Variants in LINGO1 observed in about 807,000 individuals in gnomAD.
LINGO1 encodes the protein leucine-rich repeat and immunoglobulin-like domain-containing nogo receptor-interacting protein 1.
Under a neutral mutation model 37.3 loss-of-function variants are expected in LINGO1, and 11 were observed. That is an observed-to-expected ratio of 0.29 (90% CI 0.19 to 0.49). LINGO1 has a LOEUF of 0.49. Ranked by LOEUF, LINGO1 falls within the 20% of genes least tolerant of loss-of-function variation. The pLI is 0.99. For synonymous variants in LINGO1, 387 were observed against 403.0 expected, an observed-to-expected ratio of 0.96 and a Z score of 0.48; for missense variants, 585 against 878.2, an observed-to-expected ratio of 0.67 and a Z score of 4.22.
chr15:77,746,653 C>G (rs148755076), intron 1 of LINGO1, among the ~76,000 whole-genome samples: 1 of 152,120 alleles, frequency 6.6e-6, no homozygotes, highest in Non-Finnish European at 1.5e-5. Flanking sequence ...AACAAGGCAC[C>G]CTATCCTACA....
intron 2 of LINGO1, among the ~76,000 whole-genome samples, chr15:77,716,551 GCA>G (rs1567543627): frequency 6.7e-6 from 1 of 149,468 alleles, no homozygotes; most frequent in Admixed American, 6.7e-5. Context: ...ACACACACAC[GCA>G]CTCATACACA....
intron 1 of LINGO1, among the ~76,000 whole-genome samples, chr15:77,774,729 C>T (rs574702276): frequency 1.2e-4 from 19 of 152,300 alleles, no homozygotes; most frequent in African/African-American, 4.3e-4. Flanking sequence ...GATGGCCATG[C>T]AGCAGAAGGA....
At chr15:77,619,645 C>T (rs1327060854) in intron 1 of LINGO1, among the ~76,000 whole-genome samples, 1 of 151,802 alleles carries the variant, frequency 6.6e-6, no homozygotes, top group Non-Finnish European at 1.5e-5. Flanking sequence ...TGTGATTGTG[C>T]CACTGCATTC....
intron 1 of LINGO1, among the ~76,000 whole-genome samples, chr15:77,816,548 G>T (rs1782831572): frequency 1.3e-5 from 2 of 152,156 alleles, no homozygotes; most frequent in Admixed American, 1.3e-4. Context: ...ATATAGCAGG[G>T]TCAGGTCTTG....
chr15:77,689,937 A>G (rs577497593), intron 2 of LINGO1, among the ~76,000 whole-genome samples: 4 of 152,364 alleles, frequency 2.6e-5, no homozygotes, highest in African/African-American at 9.6e-5. Flanking sequence ...ACCTTTCTGT[A>G]CATCATCTCA....
chr15:77,785,500 G>A (rs962425116), intron 1 of LINGO1, among the ~76,000 whole-genome samples: 8 of 152,000 alleles, frequency 5.3e-5, no homozygotes, highest in African/African-American at 1.2e-4. Flanking sequence ...TCCCAGGACC[G>A]TGGCTGCATG....
At chr15:77,708,431 T>C (rs1049762610) in intron 2 of LINGO1, among the ~76,000 whole-genome samples, 1 of 152,062 alleles carries the variant, frequency 6.6e-6, no homozygotes, top group Admixed American at 6.5e-5. Context: ...AGGGTGGAAG[T>C]CTGGGCCCAG....
intron 3 of LINGO1, among the ~76,000 whole-genome samples, chr15:77,670,163 A>G (rs2075222720): frequency 6.6e-6 from 1 of 152,142 alleles, no homozygotes; most frequent in Admixed American, 6.5e-5. Context: ...CAAAGAGACA[A>G]AAGTAGATTC....
At chr15:77,761,522 G>C (rs1439559475) in intron 1 of LINGO1, among the ~76,000 whole-genome samples, 1 of 152,188 alleles carries the variant, frequency 6.6e-6, no homozygotes, top group African/African-American at 2.4e-5. Context: ...ACACGTAATG[G>C]GCTAAAGGGC....
At chr15:77,686,315 C>T (rs993579525) in intron 2 of LINGO1, among the ~76,000 whole-genome samples, 1 of 152,138 alleles carries the variant, frequency 6.6e-6, no homozygotes, top group Admixed American at 6.5e-5. Flanking sequence ...CTGACTGGCT[C>T]CCCTGCTCCC....
Position 77,615,354 on chromosome 15 carries a change from G to A in LINGO1, c.553C>T (p.Arg185Cys), listed in dbSNP as rs1288664697. 1.9e-6 allele frequency: 3 copies of A among 1,613,950 alleles called. No individual in the cohort carries two copies. Among genetic ancestry groups the A allele is most frequent in the Non-Finnish European group, 2.5e-6 (3 of 1,179,904 alleles). Residue 185 changes from arginine to cysteine, a missense_variant, in exon 2 of 2, where the codon CGC becomes TGC. Physicochemically the swap from Arg to Cys is radical, Grantham distance 180 (BLOSUM62 -3). Transcript: ENST00000355300. ...AGGCTGTTGAGGCCGCTGAAGGCGCGGTGAGAGATGTAGACGAGGTCATTG... is the reference window on the plus strand; with the variant it reads ...AGGCTGTTGAGGCCGCTGAAGGCGCAGTGAGAGATGTAGACGAGGTCATTG... The part of the protein sequence containing the change: ...GDNDLVYISH[R>C]AFSGLNSLEQ...
rs373064406 is a variant in LINGO1, at chr15:77,615,262, G to A, written c.645C>T (p.His215=). ...SIPTEALSHL[H]GLIVLRLRHL... The stretch of plus-strand genomic sequence containing the variant: ...GCCGGAGCCTCAGGACGATGAGGCC[G>A]TGCAGGTGGGACAGCGCCTCGGTGG... The change falls in exon 2 of 2, where the codon CAC becomes CAT. Residue 215 remains histidine, a synonymous_variant. Transcript: ENST00000355300. 59 of 1,613,742 alleles carry A rather than the reference G, an allele frequency of 3.7e-5. No homozygotes were observed. The highest frequency in any genetic ancestry group is 9.9e-5 in the South Asian group (9 of 91,084).
At chr15:77,645,902 C>T (rs539805606) in intron 3 of LINGO1, among the ~76,000 whole-genome samples, 5 of 152,362 alleles carry the variant, frequency 3.3e-5, no homozygotes, top group African/African-American at 9.6e-5. Context: ...TGCCCTTAGA[C>T]ACCTCCACTG....
At chr15:77,815,172 C>T (rs2077037323) in intron 1 of LINGO1, among the ~76,000 whole-genome samples, 1 of 152,246 alleles carries the variant, frequency 6.6e-6, no homozygotes, top group South Asian at 2.1e-4. Flanking sequence ...TGCTATCCCT[C>T]CTCCAGCGGC....
Position 77,632,074 on chromosome 15 carries a change from G to A in LINGO1, c.6+236C>T, listed in dbSNP as rs1317640396. On this transcript the variant is annotated intron_variant, in intron 1 of 1. Transcript: ENST00000355300. This position sits in a 1 kb window ranked among gnomAD's most constrained non-coding sequence, Gnocchi z 6.0. ...CCGTGGGGGCCCCTCCCCAGCTCCA[G>A]GCTCCCAGCTTACAAACCCGGAATT... Among the ~76,000 whole-genome samples, 3 of 152,226 alleles carry A rather than the reference G, an allele frequency of 2.0e-5. No individual in the cohort carries two copies. Among genetic ancestry groups the A allele is most frequent in the Admixed American group, 1.3e-4 (2 of 15,290 alleles).
At chr15:77,764,686 A>G (rs1178216194) in intron 1 of LINGO1, among the ~76,000 whole-genome samples, 1 of 152,178 alleles carries the variant, frequency 6.6e-6, no homozygotes, top group African/African-American at 2.4e-5. Context: ...GCATCGCTGG[A>G]GCAACACCAA....
intron 3 of LINGO1, among the ~76,000 whole-genome samples, chr15:77,652,864 G>A (rs911109914): frequency 1.3e-5 from 2 of 151,978 alleles, no homozygotes; most frequent in Non-Finnish European, 2.9e-5. Context: ...TGCCTCTGTC[G>A]CCCCACCTGG....
chr15:77,659,902 A>C (rs2074950817), intron 3 of LINGO1: 2 of 152,346 alleles, frequency 1.3e-5, no homozygotes, highest in Middle Eastern at 3.4e-3. Context: ...CCTCCAGCAG[A>C]GGGCACCCTG....
At chr15:77,664,179 G>GCGCGCGCGCA (rs1555527634) in intron 3 of LINGO1, among the ~76,000 whole-genome samples, 10 of 151,690 alleles carry the variant, frequency 6.6e-5, no homozygotes, top group African/African-American at 2.4e-4. Context: ...GTGCGCGCGC[G>GCGCGCGCGCA]CATGCGTTTG....
Sources: allele counts gnomAD v4.1 joint callset (sites outside exome capture counted in the v4.1 genomes callset), GRCh38; gene constraint gnomAD v4.1.1; non-coding constraint Gnocchi (gnomAD v3.1); transcripts MANE v1.5; gene names NCBI Gene and HGNC (gene_info 2026-07-23, HGNC 2026-07-21).